CDH8: variants seen among roughly 807,000 people sequenced by gnomAD.
CDH8 encodes cadherin-8.
In CDH8, 17 loss-of-function variants were observed where a neutral mutation model predicts 68.1. The ratio of observed to expected loss-of-function variants is 0.25; its 90% confidence interval spans 0.17 to 0.37. The LOEUF is 0.37. Ranked by LOEUF, CDH8 falls within the 10% of genes least tolerant of loss-of-function variation. The pLI is 1.00. For missense variants in CDH8, 763 were observed against 999.3 expected (o/e 0.76, Z 3.19); for synonymous variants, 372 against 365.1 (o/e 1.02, Z -0.21).
At chr16:61,803,474 T>C (rs1961710109) in intron 7 of CDH8, among the ~76,000 whole-genome samples, 1 of 149,288 alleles carries the variant, frequency 6.7e-6, no homozygotes, top group East Asian at 2.0e-4. Context: ...CAATATTAAC[T>C]TTAAATGTAA....
chr16:61,653,183 A>G lies in CDH8; in HGVS notation c.*425T>C, dbSNP rs1963363189. 8.2e-7 allele frequency: 1 copy of G among 1,221,132 alleles called. No homozygotes were observed. The highest frequency in any genetic ancestry group is 1.6e-5 in the African/African-American group (1 of 64,040). The allele number at this position is 1,221,132 out of a possible 1,614,324, so 75.6% of individuals were successfully genotyped here. A position where few individuals can be genotyped will look rare whatever the true frequency, so the allele number is the denominator to read the frequency against. On this transcript the variant is annotated 3_prime_UTR_variant, in exon 12 of 12. Coordinates refer to ENST00000577390, the MANE Select transcript of CDH8 (RefSeq NM_001796.5). ...GATCCTTATTGGTGAAGGGGAAAAAACCATTTGCATTCATAAAAATCCTTG... is the reference window on the plus strand; with the variant it reads ...GATCCTTATTGGTGAAGGGGAAAAAGCCATTTGCATTCATAAAAATCCTTG...
intron 3 of CDH8, among the ~76,000 whole-genome samples, chr16:61,889,368 T>C (rs527414377): frequency 6.6e-6 from 1 of 152,064 alleles, no homozygotes; most frequent in African/African-American, 2.4e-5. Flanking sequence ...ATCCAGAAAG[T>C]ATAATTATTA....
At chr16:61,782,508 G>T (rs1419618810) in intron 8 of CDH8, among the ~76,000 whole-genome samples, 1 of 152,090 alleles carries the variant, frequency 6.6e-6, no homozygotes, top group Non-Finnish European at 1.5e-5. Flanking sequence ...AGCGAGGCTG[G>T]GGGAGGGGCG....
intron 2 of CDH8, among the ~76,000 whole-genome samples, chr16:61,972,574 GT>G (rs72139793): frequency 0.057 from 6,151 of 106,998 alleles, 195 homozygotes; most frequent in Admixed American, 0.091. Context: ...CATTGTGGGT[GT>G]GTGTGTGTGT....
chr16:61,923,423 CAAT>C (rs1964405525), intron 2 of CDH8, among the ~76,000 whole-genome samples: 3 of 151,900 alleles, frequency 2.0e-5, no homozygotes, highest in African/African-American at 7.3e-5. Context: ...CATTAATAAC[CAAT>C]ACAAGTAGCA....
chr16:61,964,427 C>T (rs890563519), intron 2 of CDH8, among the ~76,000 whole-genome samples: 5 of 152,120 alleles, frequency 3.3e-5, no homozygotes, highest in African/African-American at 1.2e-4. Flanking sequence ...CACTCCAATT[C>T]ACATAACAAT....
chr16:61,759,429 T>C lies in CDH8; in HGVS notation c.1414+29917A>G, dbSNP rs372103801. ...GAGAAGGAAAGTAATAGTAGTAGTA[T>C]AGCAGTAGTAGGAGGAGGAAGAGGG... On this transcript the variant is annotated intron_variant, in intron 8 of 11. Transcript: ENST00000577390. Among the ~76,000 whole-genome samples the C allele has an allele frequency of 8.6e-5, 13 of 151,566 alleles. No homozygotes were observed. In the East Asian group the frequency reaches 1.4e-3, roughly 16 times the overall value.
At chr16:61,839,516 T>C (rs1293978392) in intron 4 of CDH8, among the ~76,000 whole-genome samples, 1 of 152,168 alleles carries the variant, frequency 6.6e-6, no homozygotes, top group African/African-American at 2.4e-5. Flanking sequence ...AAATCTCAGG[T>C]GAGCAAATCA....
chr16:61,809,832 G>A (rs1452637809), intron 7 of CDH8, among the ~76,000 whole-genome samples: 1 of 152,144 alleles, frequency 6.6e-6, no homozygotes, highest in Non-Finnish European at 1.5e-5. Context: ...TCTCCCCTTA[G>A]AGGGTGCAAT....
intron 3 of CDH8, among the ~76,000 whole-genome samples, chr16:61,871,815 C>CAAAAAAAAAAAAAAAAA (rs144379377): frequency 2.3e-5 from 1 of 43,346 alleles, no homozygotes; most frequent in Non-Finnish European, 4.0e-5. Flanking sequence ...GTTCTATATG[C>CAAAAAAAAAAAAAAAAA]AAAAAAAAAA....
At chr16:62,030,728 TAA>T (rs897502631) in intron 1 of CDH8, among the ~76,000 whole-genome samples, 1 of 152,122 alleles carries the variant, frequency 6.6e-6, no homozygotes, top group African/African-American at 2.4e-5. Flanking sequence ...TTGATGTACA[TAA>T]AAAAGAGTAA....
chr16:61,760,867 CAA>C (rs1960448185), intron 8 of CDH8, among the ~76,000 whole-genome samples: 1 of 151,832 alleles, frequency 6.6e-6, no homozygotes, highest in Non-Finnish European at 1.5e-5. Flanking sequence ...AAATATCAAA[CAA>C]AGACGAGTCA....
chr16:61,895,058 T>C (rs1054350519), intron 3 of CDH8, among the ~76,000 whole-genome samples: 1 of 152,166 alleles, frequency 6.6e-6, no homozygotes, highest in Non-Finnish European at 1.5e-5. Context: ...CTACGTGATG[T>C]ATAGTTCTGA....
intron 8 of CDH8, among the ~76,000 whole-genome samples, chr16:61,740,377 AT>A (rs1157010059): frequency 2.0e-5 from 3 of 151,758 alleles, no homozygotes; most frequent in Admixed American, 6.6e-5. Flanking sequence ...TGACTTCCTT[AT>A]TTTTTTTATG....
chr16:61,736,108 AAAGAAAGGAAGGAAGGAAGGAAGG>A (rs1334525673), intron 8 of CDH8, among the ~76,000 whole-genome samples: 2 of 64,770 alleles, frequency 3.1e-5, no homozygotes, highest in African/African-American at 1.1e-4. Flanking sequence ...GGAAAGAAAG[AAAGAAAGGAAGGAAGGAAGGAAGG>A]AAGGAAGGAA....
At chr16:61,890,789 A>T (rs184085759) in intron 3 of CDH8, among the ~76,000 whole-genome samples, 1 of 152,226 alleles carries the variant, frequency 6.6e-6, no homozygotes, top group African/African-American at 2.4e-5. Context: ...TTTATTGGAT[A>T]GTGACTGAGA....
At chr16:61,692,987 A>T (rs1006134487) in intron 10 of CDH8, 7 of 152,206 alleles carry the variant, frequency 4.6e-5, no homozygotes, top group Admixed American at 6.5e-5. Flanking sequence ...AAATTAATTT[A>T]AAAAACACAC....
At chr16:61,976,289 A>G (rs781343204) in intron 2 of CDH8, among the ~76,000 whole-genome samples, 1 of 152,214 alleles carries the variant, frequency 6.6e-6, no homozygotes, top group Non-Finnish European at 1.5e-5. Flanking sequence ...TTTCTGTAGT[A>G]ACACATACAA....
chr16:61,653,034 G>T lies in CDH8; in HGVS notation c.*574C>A, dbSNP rs1334025319. ...ATTTAAAGATGCTATTCAGTCTCTA[G>T]TGAGTGGGGCCAACAATTATGTACA... On this transcript the variant is annotated 3_prime_UTR_variant, in exon 12 of 12. Coordinates refer to ENST00000577390, the MANE Select transcript of CDH8 (RefSeq NM_001796.5). 3 of 1,404,718 alleles carry T rather than the reference G, an allele frequency of 2.1e-6. No homozygotes were observed. The highest frequency in any genetic ancestry group is 2.8e-6 in the Non-Finnish European group (3 of 1,080,540). 87.0% of individuals were successfully genotyped at this position (1,404,718 alleles called of 1,614,324 possible).
Sources: allele counts gnomAD v4.1 joint callset (sites outside exome capture counted in the v4.1 genomes callset), GRCh38; gene constraint gnomAD v4.1.1; transcripts MANE v1.5; gene names NCBI Gene and HGNC (gene_info 2026-07-23, HGNC 2026-07-21).